Variants in NLGN4X observed in about 807,000 individuals in gnomAD.
The protein encoded by NLGN4X is neuroligin 4 X-linked, also known as neuroligin-4, X-linked.
In NLGN4X, 3 loss-of-function variants were observed where a neutral mutation model predicts 40.3. The observed-to-expected ratio is 0.07, with a 90% CI of 0.03 to 0.19. The LOEUF (loss-of-function observed/expected upper bound fraction) is 0.19, where lower values mean the gene tolerates loss of function less well. NLGN4X is among the 10% of genes least tolerant of loss of function. The probability of loss-of-function intolerance (pLI) is 1.00; values close to 1 mark genes in which losing one functional copy is unlikely to be tolerated. For synonymous variants in NLGN4X, 270 were observed against 306.8 expected, an observed-to-expected ratio of 0.88 and a Z score of 1.25; for missense variants, 382 against 708.3, an observed-to-expected ratio of 0.54 and a Z score of 5.23.
chrX:5,925,895 T>TATATATAA (rs2033281967), intron 3 of NLGN4X, among the ~76,000 whole-genome samples: 1 of 16,974 alleles, frequency 5.9e-5, no homozygotes, highest in Non-Finnish European at 9.0e-5. Flanking sequence ...TATATATATA[T>TATATATAA]ATATATATAT....
chrX:6,058,758 G>C (rs1229893308), intron 2 of NLGN4X, among the ~76,000 whole-genome samples: 1 of 111,694 alleles, frequency 9.0e-6, no homozygotes, highest in Non-Finnish European at 1.9e-5. Flanking sequence ...CTTTTATTCA[G>C]ATATTTTGTC....
At chrX:5,991,240 T>G (rs1314654664) in intron 3 of NLGN4X, among the ~76,000 whole-genome samples, 1 of 110,311 alleles carries the variant, frequency 9.1e-6, no homozygotes, top group African/African-American at 3.3e-5. Context: ...AATGAAAATA[T>G]TTCCTTTCCT....
At chrX:6,073,296 C>A (rs1364313797) in intron 2 of NLGN4X, among the ~76,000 whole-genome samples, 1 of 112,077 alleles carries the variant, frequency 8.9e-6, no homozygotes, top group Non-Finnish European at 1.9e-5. Context: ...GCAGCACATA[C>A]GGCCATGTTT....
At chrX:6,095,465 A>G (rs1023857132) in intron 2 of NLGN4X, among the ~76,000 whole-genome samples, 3 of 112,194 alleles carry the variant, frequency 2.7e-5, no homozygotes, top group Non-Finnish European at 5.6e-5. Flanking sequence ...TGAAATACTA[A>G]AAGAGGTTTT....
chrX:5,927,428 C>A (rs758835927), intron 3 of NLGN4X, among the ~76,000 whole-genome samples: 5 of 111,903 alleles, frequency 4.5e-5, no homozygotes, highest in Non-Finnish European at 9.4e-5. Flanking sequence ...GAAGAGAAAT[C>A]ATTAAGTATT....
intron 3 of NLGN4X, among the ~76,000 whole-genome samples, chrX:5,963,856 C>G (rs915544410): frequency 8.9e-6 from 1 of 112,237 alleles, no homozygotes; most frequent in Non-Finnish European, 1.9e-5. Flanking sequence ...ATGAAACATT[C>G]TCAAATTATC....
chrX:6,126,167 A>G (rs1259753554), intron 2 of NLGN4X, among the ~76,000 whole-genome samples: 1 of 111,142 alleles, frequency 9.0e-6, no homozygotes, highest in Non-Finnish European at 1.9e-5. Flanking sequence ...TTTTTTAAAA[A>G]CTTAGAAAAA....
intron 1 of NLGN4X, among the ~76,000 whole-genome samples, chrX:6,216,320 G>A (rs946262755): frequency 3.6e-5 from 4 of 112,221 alleles, no homozygotes; most frequent in African/African-American, 6.5e-5. Context: ...GGACTAGCAA[G>A]ACCAACAGGA....
intron 1 of NLGN4X, among the ~76,000 whole-genome samples, chrX:6,192,828 C>T (rs1411693622): frequency 8.9e-6 from 1 of 112,009 alleles, no homozygotes; most frequent in Non-Finnish European, 1.9e-5. Context: ...GACCCCAACT[C>T]CACCACCTTT....
intron 3 of NLGN4X, among the ~76,000 whole-genome samples, chrX:5,922,243 G>T (rs1478033646): frequency 9.0e-6 from 1 of 110,895 alleles, no homozygotes; most frequent in Non-Finnish European, 1.9e-5. Context: ...TTCGTGGGGA[G>T]GGGGGGAAAC....
chrX:6,180,407 C>T (rs917312519), intron 1 of NLGN4X, among the ~76,000 whole-genome samples: 4 of 110,722 alleles, frequency 3.6e-5, no homozygotes, highest in African/African-American at 1.3e-4. Flanking sequence ...GCCCCTCTCT[C>T]TCTCTTCCTC....
At chrX:5,905,253 G>C (rs1427687673) in intron 4 of NLGN4X, among the ~76,000 whole-genome samples, 1 of 111,438 alleles carries the variant, frequency 9.0e-6, no homozygotes, top group Non-Finnish European at 1.9e-5. Context: ...TTATTTGTAT[G>C]TTAGGGAAGT....
intron 1 of NLGN4X, among the ~76,000 whole-genome samples, chrX:6,208,917 G>T (rs771975748): frequency 8.9e-5 from 10 of 111,992 alleles, no homozygotes; most frequent in Non-Finnish European, 1.5e-4. Context: ...TATGTCAAAA[G>T]GATACCTGCA....
chrX:5,972,754 T>TG (rs1196912401), intron 3 of NLGN4X, among the ~76,000 whole-genome samples: 1 of 470 alleles, frequency 2.1e-3, no homozygotes, highest in East Asian at 0.034. Context: ...GAAGACAAGG[T>TG]GGGGGGCGGG....
intron 2 of NLGN4X, among the ~76,000 whole-genome samples, chrX:6,147,781 TTGAC>T (rs1376617758): frequency 1.8e-5 from 2 of 111,715 alleles, no homozygotes; most frequent in Non-Finnish European, 3.8e-5. Flanking sequence ...TCCGACTGGC[TTGAC>T]TGACTTTGAC....
Position 5,988,186 on chromosome X carries a change from G to T in NLGN4X, c.625+41094C>A, listed in dbSNP as rs145983125. On this transcript the variant is annotated intron_variant, in intron 3 of 5. Coordinates refer to ENST00000381095, the MANE Select transcript of NLGN4X (RefSeq NM_181332.3). ...GTAGCAGCAGCTGATGAATAGTCGT[G>T]AATTCACTTATTCCTAGATGTGAAA... 4.0e-3 allele frequency among the ~76,000 whole-genome samples: 444 copies of T among 112,161 alleles called. 12 individuals carry two copies. The East Asian group carries it at 0.063, about 16-fold the overall frequency.
chrX:6,101,412 AAACT>A (rs1417393907), intron 2 of NLGN4X, among the ~76,000 whole-genome samples: 1 of 112,298 alleles, frequency 8.9e-6, no homozygotes, highest in East Asian at 2.8e-4. Flanking sequence ...ATTTGGAAGC[AAACT>A]AACTGTCCAT....
intron 2 of NLGN4X, among the ~76,000 whole-genome samples, chrX:6,089,462 G>A (rs1211215661): frequency 8.9e-6 from 1 of 112,484 alleles, no homozygotes; most frequent in Non-Finnish European, 1.9e-5. Flanking sequence ...AACACAGCAG[G>A]TGTTCAATAA....
intron 3 of NLGN4X, among the ~76,000 whole-genome samples, chrX:5,925,973 G>C (rs1388486199): frequency 1.2e-5 from 1 of 85,906 alleles, no homozygotes; most frequent in Non-Finnish European, 2.3e-5. Context: ...TAATTTCCTA[G>C]ATCTCTTATT....
Sources: gnomAD v4.1 joint callset for allele counts (sites outside exome capture counted in the v4.1 genomes callset) on GRCh38, gnomAD v4.1.1 for gene constraint, MANE v1.5 for transcripts, NCBI Gene and HGNC (gene_info 2026-07-23, HGNC 2026-07-21) for gene names.